HS3ST4: variants seen among roughly 807,000 people sequenced by gnomAD.
HS3ST4 encodes the protein heparan sulfate glucosamine 3-O-sulfotransferase 4.
A neutral mutation model predicts 29.2 loss-of-function variants in HS3ST4; 17 were observed. That is an observed-to-expected ratio of 0.58 (90% CI 0.40 to 0.87). The LOEUF (loss-of-function observed/expected upper bound fraction) is 0.87. Among genes scored for constraint, HS3ST4 ranks in the 40% least tolerant of loss-of-function variants. HS3ST4 has a pLI of 0.00. For missense variants in HS3ST4, 627 were observed against 634.5 expected, an observed-to-expected ratio of 0.99 and a Z score of 0.13; for synonymous variants, 314 against 285.7, an observed-to-expected ratio of 1.10 and a Z score of -1.00.
intron 1 of HS3ST4, among the ~76,000 whole-genome samples, chr16:25,967,749 C>T (rs1017311034): frequency 6.6e-6 from 1 of 152,158 alleles, no homozygotes; most frequent in African/African-American, 2.4e-5. Flanking sequence ...GGTGAGGTAC[C>T]TGCCTGGTGG....
intron 1 of HS3ST4, among the ~76,000 whole-genome samples, chr16:26,065,768 G>A (rs1329806682): frequency 1.3e-5 from 2 of 152,226 alleles, no homozygotes; most frequent in Non-Finnish European, 2.9e-5. Context: ...AGAGTTCTTA[G>A]TTTCTAAGCT....
chr16:25,811,796 T>C (rs998665635), intron 1 of HS3ST4, among the ~76,000 whole-genome samples: 2 of 152,218 alleles, frequency 1.3e-5, no homozygotes, highest in Non-Finnish European at 2.9e-5. Flanking sequence ...AAAAATAACA[T>C]ACATGTGTTA....
In HS3ST4 at chr16:25,902,525, A is replaced by G. The variant is rs1017774644; in HGVS notation, c.734+209374A>G. On this transcript the variant is annotated intron_variant, in intron 1 of 1. Transcript: ENST00000331351. ...AAAAAAAGATGAAACCATAGAAAAG[A>G]CAATTATTTTGGATATGAAGTAGCA... is the stretch of plus-strand genomic sequence containing the variant. Among the ~76,000 whole-genome samples, 3 of 151,996 alleles carry G rather than the reference A, an allele frequency of 2.0e-5. No individual in the cohort carries two copies. The East Asian group carries it at 5.8e-4, about 29-fold the overall frequency.
At chr16:25,898,543 A>G (rs1462607203) in intron 1 of HS3ST4, among the ~76,000 whole-genome samples, 2 of 152,230 alleles carry the variant, frequency 1.3e-5, no homozygotes, top group Non-Finnish European at 2.9e-5. Flanking sequence ...TGCCATATGT[A>G]TGCAAGCTTT....
At chr16:25,836,788 T>C (rs558474396) in intron 1 of HS3ST4, among the ~76,000 whole-genome samples, 2 of 152,266 alleles carry the variant, frequency 1.3e-5, no homozygotes, top group East Asian at 3.9e-4. Context: ...GCATAATTCT[T>C]GAATAAAGGA....
At chr16:25,771,898 T>A (rs1340105680) in intron 1 of HS3ST4, among the ~76,000 whole-genome samples, 1 of 152,226 alleles carries the variant, frequency 6.6e-6, no homozygotes, top group African/African-American at 2.4e-5. Context: ...TGGCTTCTTA[T>A]CTTTCTGTTC....
chr16:26,047,528 T>A (rs1229365051), intron 1 of HS3ST4, among the ~76,000 whole-genome samples: 1 of 152,148 alleles, frequency 6.6e-6, no homozygotes, highest in East Asian at 1.9e-4. Context: ...AAAACAACCT[T>A]GAAGGATGCT....
chr16:25,872,583 G>A (rs1299135995), intron 1 of HS3ST4, among the ~76,000 whole-genome samples: 1 of 143,710 alleles, frequency 7.0e-6, no homozygotes, highest in African/African-American at 2.5e-5. Flanking sequence ...TGTCTAGCAG[G>A]CTTCATTAGC....
chr16:25,904,441 C>A (rs989142928), intron 1 of HS3ST4, among the ~76,000 whole-genome samples: 1 of 152,124 alleles, frequency 6.6e-6, no homozygotes, highest in African/African-American at 2.4e-5. Flanking sequence ...TTTTTAAAAT[C>A]GAATATACTT....
intron 1 of HS3ST4, among the ~76,000 whole-genome samples, chr16:25,803,978 G>A (rs1009930571): frequency 1.3e-5 from 2 of 151,824 alleles, no homozygotes; most frequent in Non-Finnish European, 2.9e-5. Context: ...CACCTCCAGA[G>A]TCCAGTAGCC....
At chr16:25,803,549 T>A (rs563909689) in intron 1 of HS3ST4, among the ~76,000 whole-genome samples, 3 of 152,336 alleles carry the variant, frequency 2.0e-5, no homozygotes, top group East Asian at 3.9e-4. Flanking sequence ...TCCCAAATTA[T>A]TATTTTTAAA....
rs556079592 is a variant in HS3ST4, at chr16:25,950,082, G to A, written c.735-185530G>A. On this transcript the variant is annotated intron_variant, in intron 1 of 1. Transcript: ENST00000331351. Reference sequence around the variant, plus strand: ...CAAATTACCTGTGTCTTACCAGCTTGTGACATCTATTCCCTGACCTAAATT... The same window carrying A: ...CAAATTACCTGTGTCTTACCAGCTTATGACATCTATTCCCTGACCTAAATT... Among the ~76,000 whole-genome samples, 4 of 152,254 alleles carry A rather than the reference G, an allele frequency of 2.6e-5. No individual in the cohort carries two copies. In the South Asian group the frequency reaches 8.3e-4, roughly 32 times the overall value.
intron 1 of HS3ST4, among the ~76,000 whole-genome samples, chr16:25,701,182 G>A (rs1364870667): frequency 6.6e-6 from 1 of 152,172 alleles, no homozygotes; most frequent in Admixed American, 6.5e-5. Context: ...ATGGTAAGAA[G>A]CATTCCTAGA....
intron 1 of HS3ST4, among the ~76,000 whole-genome samples, chr16:25,922,975 G>A (rs1395026688): frequency 1.3e-5 from 2 of 152,142 alleles, no homozygotes; most frequent in Admixed American, 6.5e-5. Flanking sequence ...CTGTTGGAGC[G>A]GCAGGCATCT....
At chr16:25,839,697 G>C (rs1162932690) in intron 1 of HS3ST4, among the ~76,000 whole-genome samples, 4 of 151,854 alleles carry the variant, frequency 2.6e-5, no homozygotes, top group Non-Finnish European at 4.4e-5. Flanking sequence ...GCTCTTCACT[G>C]TTTTGTCTAT....
At chr16:26,109,567 C>T (rs751990256) in intron 1 of HS3ST4, among the ~76,000 whole-genome samples, 11 of 152,060 alleles carry the variant, frequency 7.2e-5, no homozygotes, top group African/African-American at 1.5e-4. Flanking sequence ...CCTGCTCCCC[C>T]AGGCATGTCC....
intron 1 of HS3ST4, among the ~76,000 whole-genome samples, chr16:26,048,695 T>C (rs1898299005): frequency 6.6e-6 from 1 of 151,998 alleles, no homozygotes; most frequent in Non-Finnish European, 1.5e-5. Flanking sequence ...TAGCCAGGTG[T>C]GGTGGTGCAT....
intron 1 of HS3ST4, among the ~76,000 whole-genome samples, chr16:25,740,709 G>T (rs957765229): frequency 1.2e-4 from 18 of 152,166 alleles, no homozygotes; most frequent in African/African-American, 4.1e-4. Flanking sequence ...AACCTGTGAG[G>T]ACAGTGTTAT....
intron 1 of HS3ST4, among the ~76,000 whole-genome samples, chr16:25,947,608 T>A (rs1329875160): frequency 6.6e-6 from 1 of 152,166 alleles, no homozygotes; most frequent in African/African-American, 2.4e-5. Flanking sequence ...AACGCCCATT[T>A]ATAGTCTCTG....
Sources: allele counts gnomAD v4.1 joint callset (sites outside exome capture counted in the v4.1 genomes callset), GRCh38; gene constraint gnomAD v4.1.1; transcripts MANE v1.5; gene names NCBI Gene and HGNC (gene_info 2026-07-23, HGNC 2026-07-21).